The following TMTC2 variants were observed in gnomAD, a reference collection of about 807,000 sequenced individuals.
The protein encoded by TMTC2 is protein O-mannosyl-transferase TMTC2.
A neutral mutation model predicts 82.4 loss-of-function variants in TMTC2; 43 were observed. The ratio of observed to expected loss-of-function variants is 0.52; its 90% CI spans 0.41 to 0.67. The LOEUF is 0.67. Ranked by LOEUF, TMTC2 falls within the 30% of genes least tolerant of loss-of-function variation. The probability of loss-of-function intolerance (pLI) is 0.00; values close to 1 mark genes in which losing one functional copy is unlikely to be tolerated. For synonymous variants in TMTC2, 408 were observed against 381.9 expected (o/e 1.07, Z -0.80); for missense variants, 919 against 1,012.4 (o/e 0.91, Z 1.25).
chr12:82,984,429 A>G (rs997013574), intron 7 of TMTC2, among the ~76,000 whole-genome samples: 2 of 152,134 alleles, frequency 1.3e-5, no homozygotes, highest in African/African-American at 2.4e-5. Context: ...ACTTCATCAA[A>G]CATATTCGTA....
intron 1 of TMTC2, among the ~76,000 whole-genome samples, chr12:82,737,215 T>C (rs150020722): frequency 1.1e-4 from 16 of 152,340 alleles, no homozygotes; most frequent in African/African-American, 3.8e-4. Context: ...CTTCAAACTT[T>C]CATCACATTG....
intron 1 of TMTC2, among the ~76,000 whole-genome samples, chr12:82,690,617 A>G (rs1872531893): frequency 1.3e-5 from 2 of 152,224 alleles, no homozygotes; most frequent in African/African-American, 4.8e-5. Context: ...ATTTAAGAAT[A>G]TGCCTCTGAT....
intron 11 of TMTC2, among the ~76,000 whole-genome samples, chr12:83,070,389 G>A (rs1476470102): frequency 1.3e-5 from 2 of 151,756 alleles, no homozygotes; most frequent in African/African-American, 4.8e-5. Context: ...TTTTCCTTTA[G>A]AGGTCTTTTA....
intron 1 of TMTC2, among the ~76,000 whole-genome samples, chr12:82,717,155 G>T (rs966629281): frequency 6.6e-6 from 1 of 151,838 alleles, no homozygotes; most frequent in East Asian, 1.9e-4. Context: ...TCTCACATTC[G>T]GAACCTGCTC....
At chr12:82,941,299 C>T (rs1433636182) in intron 4 of TMTC2, among the ~76,000 whole-genome samples, 1 of 152,140 alleles carries the variant, frequency 6.6e-6, no homozygotes, top group Non-Finnish European at 1.5e-5. Flanking sequence ...GCACATGACA[C>T]CACACCTGGC....
At chr12:82,997,223 A>C (rs12423762) in intron 8 of TMTC2, among the ~76,000 whole-genome samples, 40,087 of 98,960 alleles carry the variant, frequency 0.41, 8,049 homozygotes, top group African/African-American at 0.47. Flanking sequence ...CTCTCTCTCT[A>C]TATATATATA....
chr12:82,863,311 A>G (rs1871646546), intron 2 of TMTC2, among the ~76,000 whole-genome samples: 1 of 152,138 alleles, frequency 6.6e-6, no homozygotes, highest in Admixed American at 6.5e-5. Flanking sequence ...ACTTTGCGAG[A>G]ATCCAGATGT....
intron 11 of TMTC2, among the ~76,000 whole-genome samples, chr12:83,119,681 A>G (rs1007262798): frequency 6.6e-6 from 1 of 152,122 alleles, no homozygotes; most frequent in African/African-American, 2.4e-5. Context: ...TATAGTTTAA[A>G]TCCATTGTTT....
At chr12:83,098,408 C>T (rs1884103802) in intron 11 of TMTC2, among the ~76,000 whole-genome samples, 1 of 152,174 alleles carries the variant, frequency 6.6e-6, no homozygotes, top group East Asian at 1.9e-4. Context: ...TCTCTTTTCA[C>T]TGCTTTAGCT....
chr12:82,983,005 T>G (rs1878993553), intron 7 of TMTC2, among the ~76,000 whole-genome samples: 1 of 152,014 alleles, frequency 6.6e-6, no homozygotes, highest in East Asian at 1.9e-4. Flanking sequence ...ATTGAAAAAC[T>G]GTTTCATCTT....
intron 1 of TMTC2, among the ~76,000 whole-genome samples, chr12:82,816,926 A>G (rs940291584): frequency 6.6e-6 from 1 of 151,942 alleles, no homozygotes; most frequent in African/African-American, 2.4e-5. Context: ...GTATATGAAC[A>G]TAGGAACAAA....
intron 11 of TMTC2, among the ~76,000 whole-genome samples, chr12:83,096,338 C>T (rs1229998909): frequency 6.6e-6 from 1 of 152,198 alleles, no homozygotes; most frequent in East Asian, 1.9e-4. Flanking sequence ...CTGATCTTTG[C>T]CATCACATCT....
At chr12:83,097,504 C>A (rs574274981) in intron 11 of TMTC2, among the ~76,000 whole-genome samples, 14 of 152,272 alleles carry the variant, frequency 9.2e-5, no homozygotes, top group Non-Finnish European at 1.8e-4. Context: ...TGTATTCTTT[C>A]ATTTAACAAA....
At chr12:82,956,762 C>T (rs536736092) in intron 4 of TMTC2, among the ~76,000 whole-genome samples, 132 of 152,218 alleles carry the variant, frequency 8.7e-4, no homozygotes, top group African/African-American at 3.2e-3. Context: ...CCAGGTAAAA[C>T]AGACTTTAAA....
chr12:82,946,670 A>T (rs1166650495), intron 4 of TMTC2, among the ~76,000 whole-genome samples: 3 of 152,102 alleles, frequency 2.0e-5, no homozygotes, highest in Non-Finnish European at 4.4e-5. Context: ...CTAGCAATAG[A>T]GAGACAGATG....
rs148485109 is a variant in TMTC2, at chr12:82,735,969, T to TCACA, written c.83+48331_83+48334dup. On this transcript the variant is annotated intron_variant, in intron 1 of 11. Coordinates refer to ENST00000321196, the MANE Select transcript of TMTC2 (RefSeq NM_152588.3). ...GCCCAGGTGACAGTGCGAGACTCCG[T>TCACA]CACACACACACACACACACACACAC... is the stretch of plus-strand genomic sequence containing the variant. Among the ~76,000 whole-genome samples, 340 of 145,954 alleles carry TCACA rather than the reference T, an allele frequency of 2.3e-3. 1 individual carries two copies. Among genetic ancestry groups the TCACA allele is most frequent in the African/African-American group, 8.4e-3 (328 of 39,228 alleles).
intron 1 of TMTC2, among the ~76,000 whole-genome samples, chr12:82,833,228 G>A (rs930253135): frequency 6.6e-6 from 1 of 152,050 alleles, no homozygotes; most frequent in African/African-American, 2.4e-5. Flanking sequence ...TTTTACCGTA[G>A]CATAATAAAC....
intron 8 of TMTC2, among the ~76,000 whole-genome samples, chr12:83,001,577 G>A (rs1384431611): frequency 4.7e-5 from 7 of 149,932 alleles, no homozygotes; most frequent in East Asian, 2.0e-4. Context: ...GGAGGTTGCC[G>A]TGAGCCGAGA....
chr12:82,886,904 A>G (rs1047019245), intron 2 of TMTC2, among the ~76,000 whole-genome samples: 4 of 152,206 alleles, frequency 2.6e-5, no homozygotes, highest in African/African-American at 9.6e-5. Flanking sequence ...TGAGGGGAGT[A>G]TCCAGTGGTA....
Sources: gnomAD v4.1 joint callset for allele counts (sites outside exome capture counted in the v4.1 genomes callset) on GRCh38, gnomAD v4.1.1 for gene constraint, MANE v1.5 for transcripts, NCBI Gene and HGNC (gene_info 2026-07-23, HGNC 2026-07-21) for gene names.